Variants in LRP1B observed in about 807,000 individuals in gnomAD.
LRP1B encodes the protein LDL receptor related protein 1B.
A neutral mutation model predicts 556.6 loss-of-function variants in LRP1B; 217 were observed. The observed-to-expected ratio is 0.39, with a 90% confidence interval of 0.35 to 0.44. LRP1B has a LOEUF of 0.44. LRP1B is among the 20% of genes least tolerant of loss of function. The pLI, the probability that LRP1B is intolerant of heterozygous loss-of-function variation, is 1.00. For missense variants in LRP1B, 5,053 were observed against 5,620.8 expected, an observed-to-expected ratio of 0.90 and a Z score of 3.23; for synonymous variants, 2,047 against 1,865.8, an observed-to-expected ratio of 1.10 and a Z score of -2.50.
At chr2:140,701,186 A>G (rs1477078851) in intron 40 of LRP1B, among the ~76,000 whole-genome samples, 1 of 152,112 alleles carries the variant, frequency 6.6e-6, no homozygotes, top group Non-Finnish European at 1.5e-5. Context: ...ACTTCCTTTG[A>G]TACAAAAAAG....
intron 10 of LRP1B, among the ~76,000 whole-genome samples, chr2:141,052,099 G>A (rs947517064): frequency 9.9e-5 from 15 of 151,800 alleles, no homozygotes; most frequent in African/African-American, 3.6e-4. Context: ...TAATAATACT[G>A]AGATAAGCAT....
chr2:141,899,905 C>T (rs1432771684), intron 1 of LRP1B, among the ~76,000 whole-genome samples: 4 of 151,950 alleles, frequency 2.6e-5, no homozygotes, highest in Non-Finnish European at 5.9e-5. Context: ...AATCTCTACC[C>T]CCTGCTTGGC....
chr2:141,401,868 C>T (rs1363565177), intron 3 of LRP1B, among the ~76,000 whole-genome samples: 1 of 152,146 alleles, frequency 6.6e-6, no homozygotes, highest in Admixed American at 6.6e-5. Flanking sequence ...GGAAAATTTC[C>T]TATTCTAGAT....
chr2:141,732,770 T>A (rs1693321532), intron 2 of LRP1B, among the ~76,000 whole-genome samples: 1 of 152,138 alleles, frequency 6.6e-6, no homozygotes, highest in Admixed American at 6.6e-5. Flanking sequence ...ATTATACCCC[T>A]TGTAGCAGAA....
intron 41 of LRP1B, among the ~76,000 whole-genome samples, chr2:140,631,767 T>C (rs988828654): frequency 1.3e-5 from 2 of 152,222 alleles, no homozygotes; most frequent in African/African-American, 4.8e-5. Flanking sequence ...AAATTAATGA[T>C]AGACACAAAA....
intron 21 of LRP1B, among the ~76,000 whole-genome samples, chr2:140,918,684 A>G (rs1324377074): frequency 6.6e-6 from 1 of 152,106 alleles, no homozygotes; most frequent in Non-Finnish European, 1.5e-5. Context: ...TGTCCAGACC[A>G]AATTCATGTT....
chr2:141,160,635 T>C (rs1249461), intron 7 of LRP1B, among the ~76,000 whole-genome samples: 151,670 of 151,922 alleles, frequency 1, 75,709 homozygotes, highest in Non-Finnish European at 1. Flanking sequence ...TATGCTGACT[T>C]GGAAAAAAAA....
At chr2:140,417,466 A>G (rs1472490777) in intron 66 of LRP1B, among the ~76,000 whole-genome samples, 1 of 152,236 alleles carries the variant, frequency 6.6e-6, no homozygotes, top group Admixed American at 6.5e-5. Context: ...ATCCAGGTTG[A>G]TAAGTCTACT....
intron 25 of LRP1B, among the ~76,000 whole-genome samples, chr2:140,872,307 C>T (rs1417741615): frequency 7.0e-6 from 1 of 141,922 alleles, no homozygotes; most frequent in African/African-American, 2.6e-5. Flanking sequence ...AGAGTGTGAA[C>T]AGACAAGTTC....
At chr2:142,090,298 G>A (rs1457588939) in intron 1 of LRP1B, among the ~76,000 whole-genome samples, 2 of 152,050 alleles carry the variant, frequency 1.3e-5, no homozygotes, top group African/African-American at 2.4e-5. Context: ...AAGTTTATAT[G>A]AGGATCAGAT....
At position 140,841,051 on chromosome 2, in the gene LRP1B, G is replaced by T; in HGVS notation, c.4981C>A (p.Arg1661Ser). 6.2e-7 allele frequency: 1 copy of T among 1,612,614 alleles called. No homozygotes were observed. Among genetic ancestry groups the T allele is most frequent in the Non-Finnish European group, 8.5e-7 (1 of 1,179,144 alleles). The change falls in exon 30 of 91, where the codon CGT becomes AGT. Residue 1661 changes from arginine to serine, a missense_variant. Around this residue, in one of 5 missense-constraint regions of LRP1B, gnomAD observed 3,619 missense variants for 3,931.9 expected, o/e 0.92. Transcript: ENST00000389484. ...TCTGAGCTAATCCAGTATAAATTACGTGACACCCAATCCACTGCTAGCCCT... is the reference window on the plus strand; with the variant it reads ...TCTGAGCTAATCCAGTATAAATTACTTGACACCCAATCCACTGCTAGCCCT... ...IRGLAVDWVS[R>S]NLYWISSEFD...
Position 141,198,053 on chromosome 2 carries a change from G to T in LRP1B, c.851-9470C>A, listed in dbSNP as rs960289965. Among the ~76,000 whole-genome samples, 8 of 152,108 alleles carry T rather than the reference G, an allele frequency of 5.3e-5. No individual in the cohort carries two copies. The South Asian group carries it at 1.2e-3, about 24-fold the overall frequency. ...TGAAGAAACCTATTCCATTTTCCTC[G>T]ATTTATGTATCTCTTGAATGGTTTA... is the stretch of plus-strand genomic sequence containing the variant. On this transcript the variant is annotated intron_variant, in intron 6 of 90. Transcript: ENST00000389484.
intron 66 of LRP1B, among the ~76,000 whole-genome samples, chr2:140,415,632 C>T (rs1390434109): frequency 1.3e-5 from 2 of 152,180 alleles, no homozygotes; most frequent in Non-Finnish European, 2.9e-5. Context: ...GGTAAATTCT[C>T]ACCAAAGAAC....
intron 32 of LRP1B, among the ~76,000 whole-genome samples, chr2:140,798,411 T>C (rs375461537): frequency 2.0e-5 from 3 of 152,310 alleles, no homozygotes; most frequent in Middle Eastern, 3.4e-3. Flanking sequence ...CTGCCCACTT[T>C]ACAAGAAACT....
At chr2:141,880,897 G>T (rs886834988) in intron 1 of LRP1B, among the ~76,000 whole-genome samples, 1 of 151,974 alleles carries the variant, frequency 6.6e-6, no homozygotes, top group Non-Finnish European at 1.5e-5. Flanking sequence ...ATTCAGGTCA[G>T]TCTGAACAGA....
intron 79 of LRP1B, among the ~76,000 whole-genome samples, chr2:140,328,490 AAATG>A (rs1463633800): frequency 2.0e-5 from 3 of 151,586 alleles, no homozygotes; most frequent in Admixed American, 1.3e-4. Flanking sequence ...AAAAAAAAGA[AAATG>A]AAGAAAACAA....
intron 31 of LRP1B, among the ~76,000 whole-genome samples, chr2:140,816,613 A>G (rs1691132969): frequency 6.6e-6 from 1 of 152,166 alleles, no homozygotes; most frequent in African/African-American, 2.4e-5. Context: ...ATATATATGT[A>G]TGCATATGAT....
chr2:141,670,936 G>A (rs1232749284), intron 2 of LRP1B, among the ~76,000 whole-genome samples: 1 of 151,956 alleles, frequency 6.6e-6, no homozygotes, highest in African/African-American at 2.4e-5. Flanking sequence ...ATTCATAATT[G>A]GACTCATAAA....
chr2:141,722,065 G>A (rs1486716788), intron 2 of LRP1B, among the ~76,000 whole-genome samples: 2 of 152,112 alleles, frequency 1.3e-5, no homozygotes, highest in Non-Finnish European at 2.9e-5. Flanking sequence ...ACAAATGCTG[G>A]AACATCATGC....
Sources: gnomAD v4.1 joint callset for allele counts (sites outside exome capture counted in the v4.1 genomes callset) on GRCh38, gnomAD v4.1.1 for gene constraint, gnomAD v4.1.1 regional missense constraint, MANE v1.5 for transcripts, NCBI Gene and HGNC (gene_info 2026-07-23, HGNC 2026-07-21) for gene names.